Variants in PHEX observed in about 807,000 individuals in gnomAD.
PHEX encodes the protein phosphate-regulating neutral endopeptidase PHEX.
PHEX carries 16 observed loss-of-function variants against 68.0 expected under a neutral mutation model. The observed-to-expected ratio is 0.24, with a 90% CI of 0.16 to 0.36. The LOEUF (loss-of-function observed/expected upper bound fraction) is 0.36, where lower values mean the gene tolerates loss of function less well. Ranked by LOEUF, PHEX falls within the 10% of genes least tolerant of loss-of-function variation. The pLI, the probability that PHEX is intolerant of heterozygous loss-of-function variation, is 1.00. For synonymous variants in PHEX, 208 were observed against 205.1 expected (o/e 1.01, Z -0.12); for missense variants, 480 against 575.5 (o/e 0.83, Z 1.70).
chrX:22,131,937 A>C (rs761065289), intron 11 of PHEX, among the ~76,000 whole-genome samples: 1 of 111,366 alleles, frequency 9.0e-6, no homozygotes, highest in South Asian at 3.8e-4. Flanking sequence ...ACGTGTCAGT[A>C]GCCCCTTTCC....
chrX:22,078,374 A>G (rs1485568827), intron 5 of PHEX, among the ~76,000 whole-genome samples: 1 of 112,250 alleles, frequency 8.9e-6, no homozygotes, highest in African/African-American at 3.2e-5. Context: ...CAAGAATTCA[A>G]ATAACATTCG....
At position 22,248,868 on chromosome X, in the gene PHEX, T is replaced by C. The variant is rs1048701315; in HGVS notation, c.*915T>C. ...TGTGTGCATTGTACTGGTTTTGAAA[T>C]GAGCAGACATTGAGAAAACAATTTT... is the stretch of plus-strand genomic sequence containing the variant. On this transcript the variant is annotated 3_prime_UTR_variant, in exon 22 of 22. Coordinates refer to ENST00000379374, the MANE Select transcript of PHEX (RefSeq NM_000444.6). 9.0e-6 allele frequency: 1 copy of C among 111,433 alleles called. No homozygotes were observed. Among genetic ancestry groups the C allele is most frequent in the Non-Finnish European group, 1.9e-5 (1 of 53,096 alleles). The allele number at this position is 111,433 out of a possible 1,213,427, so 9.2% of individuals were successfully genotyped here. A position where few individuals can be genotyped will look rare whatever the true frequency, so the allele number is the denominator to read the frequency against.
At chrX:22,070,168 A>G (rs1928835209) in intron 3 of PHEX, among the ~76,000 whole-genome samples, 1 of 111,653 alleles carries the variant, frequency 9.0e-6, no homozygotes, top group South Asian at 3.7e-4. Flanking sequence ...CCATTCTATA[A>G]TAAGTTTTAA....
chrX:22,220,103 G>A (rs1056012520), intron 17 of PHEX, among the ~76,000 whole-genome samples: 2 of 111,447 alleles, frequency 1.8e-5, no homozygotes, highest in Non-Finnish European at 1.9e-5. Context: ...GAGTATTATC[G>A]GAAGGCCACA....
chrX:22,108,353 G>C (rs1357060419), intron 9 of PHEX, among the ~76,000 whole-genome samples: 1 of 110,952 alleles, frequency 9.0e-6, no homozygotes. Flanking sequence ...TGGAGACTCA[G>C]AAGCAGGGAG....
At chrX:22,081,663 C>A (rs1929399585) in intron 5 of PHEX, among the ~76,000 whole-genome samples, 1 of 110,731 alleles carries the variant, frequency 9.0e-6, no homozygotes, top group Admixed American at 9.6e-5. Flanking sequence ...CAAAGACATG[C>A]AGTTTGGCCA....
chrX:22,164,337 T>G (rs1273514372), intron 12 of PHEX, among the ~76,000 whole-genome samples: 1 of 112,159 alleles, frequency 8.9e-6, no homozygotes, highest in Non-Finnish European at 1.9e-5. Flanking sequence ...AACACTCTCT[T>G]CAGATGTTGG....
intron 20 of PHEX, among the ~76,000 whole-genome samples, chrX:22,232,577 A>T (rs1935791437): frequency 1.5e-5 from 1 of 67,879 alleles, no homozygotes; most frequent in Admixed American, 1.8e-4. Context: ...TTTATCAGAG[A>T]TTAGGATTGC....
chrX:22,173,176 C>T (rs918993164), intron 13 of PHEX, among the ~76,000 whole-genome samples: 5 of 112,162 alleles, frequency 4.5e-5, no homozygotes, highest in Admixed American at 3.8e-4. Flanking sequence ...CAAAACATTG[C>T]GCTCAGCTCT....
intron 16 of PHEX, among the ~76,000 whole-genome samples, chrX:22,216,589 A>T (rs1246234570): frequency 9.1e-6 from 1 of 110,141 alleles, no homozygotes; most frequent in African/African-American, 3.3e-5. Context: ...GCATGATCTC[A>T]GCTCACTGCA....
intron 14 of PHEX, among the ~76,000 whole-genome samples, chrX:22,179,690 G>A (rs374418044): frequency 3.6e-5 from 4 of 111,444 alleles, no homozygotes; most frequent in East Asian, 5.6e-4. Flanking sequence ...CGGAATTTCC[G>A]TTTGTTTTTT....
At chrX:22,103,818 T>C (rs1458260318) in intron 9 of PHEX, among the ~76,000 whole-genome samples, 2 of 112,527 alleles carry the variant, frequency 1.8e-5, no homozygotes, top group Non-Finnish European at 3.7e-5. Context: ...TCTGGGTAGA[T>C]ACCCAGTAGT....
chrX:22,035,218 G>A (rs1454639404), intron 1 of PHEX, among the ~76,000 whole-genome samples: 1 of 111,698 alleles, frequency 9.0e-6, no homozygotes, highest in African/African-American at 3.3e-5. Flanking sequence ...TGCTTCTACA[G>A]TAAGAGTGAT....
intron 5 of PHEX, among the ~76,000 whole-genome samples, chrX:22,085,439 G>A (rs1243225586): frequency 3.6e-5 from 4 of 109,736 alleles, no homozygotes; most frequent in Non-Finnish European, 5.7e-5. Context: ...GCCAGGCATG[G>A]TGTCGGGTAC....
intron 14 of PHEX, among the ~76,000 whole-genome samples, chrX:22,184,339 C>A (rs965243995): frequency 7.3e-5 from 8 of 110,208 alleles, no homozygotes. Flanking sequence ...GGACATCTTT[C>A]AGGTCTGAAA....
intron 10 of PHEX, among the ~76,000 whole-genome samples, chrX:22,114,089 A>G (rs748393569): frequency 8.0e-4 from 86 of 106,896 alleles, no homozygotes; most frequent in Non-Finnish European, 1.6e-3. Flanking sequence ...AGCTGGGATT[A>G]CAGGCATGCA....
At chrX:22,057,174 G>C (rs746116828) in intron 3 of PHEX, among the ~76,000 whole-genome samples, 1 of 111,780 alleles carries the variant, frequency 8.9e-6, no homozygotes, top group African/African-American at 3.3e-5. Flanking sequence ...TAAAAATTAC[G>C]TATGTGGTTT....
At chrX:22,219,642 C>T (rs1935206522) in intron 17 of PHEX, among the ~76,000 whole-genome samples, 1 of 103,805 alleles carries the variant, frequency 9.6e-6, no homozygotes, top group Admixed American at 1.0e-4. Flanking sequence ...ATTATTGAGA[C>T]GGAGTCTAGC....
chrX:22,050,573 GAA>G (rs5901695), intron 3 of PHEX, among the ~76,000 whole-genome samples: 2 of 49,648 alleles, frequency 4.0e-5, no homozygotes, highest in Admixed American at 2.5e-4. Flanking sequence ...TTCATCTCAG[GAA>G]AAAAAAAAAA....
Sources: allele counts gnomAD v4.1 joint callset (sites outside exome capture counted in the v4.1 genomes callset), GRCh38; gene constraint gnomAD v4.1.1; transcripts MANE v1.5; gene names NCBI Gene and HGNC (gene_info 2026-07-23, HGNC 2026-07-21).